The following EYS variants were observed in gnomAD, a reference collection of about 807,000 sequenced individuals.
EYS encodes the protein protein eyes shut homolog.
Under a neutral mutation model 282.1 loss-of-function variants are expected in EYS, and 250 were observed. The observed-to-expected ratio is 0.89, with a 90% confidence interval of 0.80 to 0.98. EYS has a LOEUF of 0.98. Ranked by LOEUF, EYS falls within the 50% of genes least tolerant of loss-of-function variation. EYS has a pLI of 0.00. For synonymous variants in EYS, 1,355 were observed against 1,282.9 expected, an observed-to-expected ratio of 1.06 and a Z score of -1.20; for missense variants, 4,016 against 3,709.0, an observed-to-expected ratio of 1.08 and a Z score of -2.15.
chr6:65,093,053 A>T (rs1421938430), intron 12 of EYS, among the ~76,000 whole-genome samples: 1 of 152,038 alleles, frequency 6.6e-6, no homozygotes, highest in Non-Finnish European at 1.5e-5. Flanking sequence ...AATAAGAGAA[A>T]AGTGACATCA....
intron 12 of EYS, among the ~76,000 whole-genome samples, chr6:65,172,107 T>TAA (rs892186749): frequency 6.6e-6 from 1 of 151,488 alleles, no homozygotes; most frequent in African/African-American, 2.4e-5. Context: ...CTCCCTCTTA[T>TAA]AGAGAACTGC....
Position 64,356,760 on chromosome 6 carries a change from T to A in EYS, c.6078+31930A>T, listed in dbSNP as rs192001655. On this transcript the variant is annotated intron_variant, in intron 29 of 42. Coordinates refer to ENST00000503581, the MANE Select transcript of EYS (RefSeq NM_001142800.2). ...TTCGAAGAAATATGCAACATTGTTA[T>A]GTAGAGCAATTCTTGAGGATGGAAT... Among the ~76,000 whole-genome samples, 137 of 151,768 alleles carry A rather than the reference T, an allele frequency of 9.0e-4. 4 individuals are homozygous for A. In the East Asian group the frequency reaches 0.022, roughly 25 times the overall value.
intron 7 of EYS, among the ~76,000 whole-genome samples, chr6:65,392,947 A>T (rs1297432460): frequency 6.6e-6 from 1 of 152,222 alleles, no homozygotes; most frequent in African/African-American, 2.4e-5. Flanking sequence ...GATAGACTGG[A>T]TTAAGAAAAT....
intron 41 of EYS, among the ~76,000 whole-genome samples, chr6:63,740,191 A>C (rs770974077): frequency 1.1e-4 from 16 of 152,308 alleles, no homozygotes; most frequent in Admixed American, 2.0e-4. Context: ...CTCATCTTGA[A>C]TTCCACATGT....
chr6:63,924,255 C>T (rs975753091), intron 35 of EYS, among the ~76,000 whole-genome samples: 3 of 152,092 alleles, frequency 2.0e-5, no homozygotes, highest in African/African-American at 7.2e-5. Context: ...CTAAACATGA[C>T]TTATGTTTTC....
chr6:64,004,611 C>T (rs1768254812), intron 33 of EYS, among the ~76,000 whole-genome samples: 1 of 152,142 alleles, frequency 6.6e-6, no homozygotes, highest in African/African-American at 2.4e-5. Context: ...CATCCTCCCA[C>T]CCTCCACCCT....
chr6:65,319,021 A>G (rs1381503522), intron 11 of EYS, among the ~76,000 whole-genome samples: 1 of 151,530 alleles, frequency 6.6e-6, no homozygotes, highest in Non-Finnish European at 1.5e-5. Context: ...ATTTACATAT[A>G]TATGTTTACA....
At chr6:64,425,579 G>C (rs9353779) in intron 28 of EYS, among the ~76,000 whole-genome samples, 36,193 of 150,426 alleles carry the variant, frequency 0.24, 4,890 homozygotes, top group East Asian at 0.39. Flanking sequence ...GCTTGAACCT[G>C]GGAGTCGGAA....
chr6:65,145,009 G>A (rs1764442019), intron 12 of EYS, among the ~76,000 whole-genome samples: 1 of 151,826 alleles, frequency 6.6e-6, no homozygotes, highest in Admixed American at 6.6e-5. Flanking sequence ...GACCTCATGT[G>A]ATCCACCCAT....
rs150890024 is a variant in EYS, at chr6:63,942,297, C to T, written c.7055+42086G>A. Among the ~76,000 whole-genome samples, 634 of 152,276 alleles carry T rather than the reference C, an allele frequency of 4.2e-3. 2 individuals are homozygous for T. The highest frequency in any genetic ancestry group is 0.014 in the African/African-American group (578 of 41,550). On this transcript the variant is annotated intron_variant, in intron 35 of 42. Transcript: ENST00000503581. Reference sequence around the variant, plus strand: ...AACAACAAATTCCTGCTGGAAACAACTGTGTCCAGATAGGCATGACTTCAC... The same window carrying T: ...AACAACAAATTCCTGCTGGAAACAATTGTGTCCAGATAGGCATGACTTCAC...
chr6:63,805,157 A>C (rs1037338627), intron 37 of EYS, among the ~76,000 whole-genome samples: 10 of 152,216 alleles, frequency 6.6e-5, no homozygotes, highest in African/African-American at 2.4e-4. Context: ...TTTCTGTTAC[A>C]ATATGTTGAT....
intron 12 of EYS, among the ~76,000 whole-genome samples, chr6:65,282,446 G>A (rs1035888665): frequency 1.3e-5 from 2 of 151,900 alleles, no homozygotes; most frequent in Non-Finnish European, 2.9e-5. Context: ...CTCTTAAAAT[G>A]TCTGAAAGTA....
intron 29 of EYS, among the ~76,000 whole-genome samples, chr6:64,342,176 C>T (rs1481466998): frequency 6.6e-6 from 1 of 151,388 alleles, no homozygotes; most frequent in Non-Finnish European, 1.5e-5. Context: ...ATAAATGATC[C>T]TGTGTCATTC....
intron 26 of EYS, among the ~76,000 whole-genome samples, chr6:64,451,797 C>T (rs1775357793): frequency 6.6e-6 from 1 of 152,092 alleles, no homozygotes; most frequent in Non-Finnish European, 1.5e-5. Context: ...AGGCTTTTGA[C>T]AAAATTGAAC....
At chr6:64,362,032 G>A (rs1460763112) in intron 29 of EYS, among the ~76,000 whole-genome samples, 2 of 151,750 alleles carry the variant, frequency 1.3e-5, no homozygotes, top group Non-Finnish European at 2.9e-5. Context: ...ATATGGGATT[G>A]TTTGAACATT....
intron 26 of EYS, among the ~76,000 whole-genome samples, chr6:64,463,210 C>G (rs1775813018): frequency 6.6e-6 from 1 of 152,112 alleles, no homozygotes; most frequent in Non-Finnish European, 1.5e-5. Flanking sequence ...CTAGGCCTCC[C>G]AAAGTGCTGG....
At chr6:63,733,863 G>A (rs1768841533) in intron 41 of EYS, among the ~76,000 whole-genome samples, 1 of 152,194 alleles carries the variant, frequency 6.6e-6, no homozygotes, top group South Asian at 2.1e-4. Context: ...ATCTTATAAG[G>A]CAGTAAGCAA....
rs10589491 is a variant in EYS, at chr6:64,248,183, T to TTGTG, written c.6192-17363_6192-17360dup. On this transcript the variant is annotated intron_variant, in intron 30 of 42. Transcript: ENST00000503581. ...GCAAGTGATTTGGTACAGAAGAAGC[T>TTGTG]TGTGTGTGTGTGTGTGTGTGTGTGT... is the stretch of plus-strand genomic sequence containing the variant. Among the ~76,000 whole-genome samples the TTGTG allele has an allele frequency of 1.6e-3, 241 of 146,400 alleles. 1 individual carries two copies. Among genetic ancestry groups the TTGTG allele is most frequent in the African/African-American group, 4.9e-3 (193 of 39,680 alleles).
At chr6:63,951,123 C>A (rs886637197) in intron 35 of EYS, among the ~76,000 whole-genome samples, 2 of 152,056 alleles carry the variant, frequency 1.3e-5, no homozygotes, top group Non-Finnish European at 2.9e-5. Context: ...TCTGAGCTTG[C>A]CTCCTTCACT....
Sources: allele counts gnomAD v4.1 joint callset (sites outside exome capture counted in the v4.1 genomes callset), GRCh38; gene constraint gnomAD v4.1.1; transcripts MANE v1.5; gene names NCBI Gene and HGNC (gene_info 2026-07-23, HGNC 2026-07-21).